Variants in AACS observed in about 807,000 individuals in gnomAD.
AACS encodes acetoacetyl-CoA synthetase.
AACS carries 69 observed loss-of-function variants against 83.1 expected under a neutral mutation model. The observed-to-expected ratio is 0.83, with a 90% confidence interval of 0.68 to 1.01. The LOEUF (loss-of-function observed/expected upper bound fraction) is 1.01. Ranked by LOEUF, AACS falls within the 50% of genes least tolerant of loss-of-function variation. The pLI is 0.00. For missense variants in AACS, 866 were observed against 882.2 expected, an observed-to-expected ratio of 0.98 and a Z score of 0.23; for synonymous variants, 333 against 343.4, an observed-to-expected ratio of 0.97 and a Z score of 0.33.
intron 8 of AACS, among the ~76,000 whole-genome samples, 160 bp downstream of exon 8, chr12:125,107,428 C>T (rs939810134): frequency 6.6e-5 from 10 of 152,214 alleles, no homozygotes; most frequent in African/African-American, 9.6e-5. Context: ...CACGGAGATC[C>T]GGCACTGGGC....
intron 14 of AACS, among the ~76,000 whole-genome samples, chr12:125,132,952 G>A (rs890922058): frequency 6.6e-6 from 1 of 152,226 alleles, no homozygotes; most frequent in Non-Finnish European, 1.5e-5. Context: ...ATTTGGGAGG[G>A]AGGAGATGCC....
rs1957305332 is a variant in AACS, at chr12:125,129,911, T to A, written c.1549+451T>A. 6.6e-6 allele frequency among the ~76,000 whole-genome samples: 1 copy of A among 151,830 alleles called. No individual in the cohort carries two copies. On this transcript the variant is annotated intron_variant, in intron 14 of 17. Transcript: ENST00000316519. This position sits in a 1 kb window ranked among gnomAD's most constrained non-coding sequence, Gnocchi z 4.3. ...ATGGAGATGCTGGAGGAAGAGCGCTTTTGCGGTGGAAGCATTTACAACCCG... is the reference window on the plus strand; with the variant it reads ...ATGGAGATGCTGGAGGAAGAGCGCTATTGCGGTGGAAGCATTTACAACCCG...
intron 8 of AACS, 42 bp from the exon 9 acceptor site, chr12:125,114,435 T>C (rs1361881073): frequency 1.2e-5 from 19 of 1,562,932 alleles, no homozygotes; most frequent in Non-Finnish European, 1.7e-5. Context: ...TGGTACTGTA[T>C]GCCTAACAGA....
At chr12:125,117,362 C>T (rs1233916242) in intron 9 of AACS, among the ~76,000 whole-genome samples, 1 of 151,470 alleles carries the variant, frequency 6.6e-6, no homozygotes, top group Non-Finnish European at 1.5e-5. Context: ...TGCAGTGAGC[C>T]GAGATTGTGC....
intron 9 of AACS, among the ~76,000 whole-genome samples, chr12:125,117,224 C>T (rs911536337): frequency 1.3e-4 from 19 of 152,000 alleles, no homozygotes; most frequent in Non-Finnish European, 2.8e-4. Context: ...CCAGCCTGGC[C>T]AACATGGAAA....
At chr12:125,073,768 T>G in intron 1 of AACS, 108 bp from the exon 2 acceptor site, 1 of 825,264 alleles carries the variant, frequency 1.2e-6, no homozygotes, top group South Asian at 1.7e-5. Flanking sequence ...TCTCCTCAGA[T>G]GAATTTGGCT....
At chr12:125,119,510 C>T (rs766940683) in intron 10 of AACS, among the ~76,000 whole-genome samples, 10 of 152,142 alleles carry the variant, frequency 6.6e-5, no homozygotes, top group Admixed American at 2.6e-4. Context: ...GGAGGCCTCA[C>T]AATCATGATG....
intron 5 of AACS, among the ~76,000 whole-genome samples, chr12:125,098,243 A>G (rs969520313): frequency 6.6e-6 from 1 of 152,064 alleles, no homozygotes; most frequent in Non-Finnish European, 1.5e-5. Flanking sequence ...CAGCCTGGGC[A>G]ACATGGCAAA....
intron 3 of AACS, among the ~76,000 whole-genome samples, chr12:125,077,870 G>A (rs1956067442): frequency 6.6e-6 from 1 of 152,002 alleles, no homozygotes; most frequent in Non-Finnish European, 1.5e-5. Flanking sequence ...CACCATTGCT[G>A]GCTAATTTTT....
chr12:125,104,956 G>A (rs917890617), intron 7 of AACS, among the ~76,000 whole-genome samples: 1 of 151,826 alleles, frequency 6.6e-6, no homozygotes, highest in African/African-American at 2.4e-5. Flanking sequence ...CATGGCGGAA[G>A]GGAAGTGGAG....
In AACS at chr12:125,124,728, C is replaced by A. The variant is rs947140229; in HGVS notation, c.1145C>A (p.Ala382Asp). 1.9e-6 allele frequency: 3 copies of A among 1,614,102 alleles called. No homozygotes were observed. The highest frequency in any genetic ancestry group is 2.5e-6 in the Non-Finnish European group (3 of 1,180,034). The change falls in exon 11 of 18, where the codon GCC (alanine) becomes GAC (aspartate). Residue 382 changes from alanine to aspartate, a missense_variant. Coordinates refer to ENST00000316519, the MANE Select transcript of AACS (RefSeq NM_023928.5). ...AGCATCACTGTCCTGGTAACTGGGG[C>A]CAAGTGGCTGTCAGTGCTGGAAGAG... is the stretch of plus-strand genomic sequence containing the variant. Reference protein sequence around the residue: ...RIGITVLVTGAKWLSVLEEKA... With the variant: ...RIGITVLVTGDKWLSVLEEKA...
intron 17 of AACS, 52 bp downstream of exon 17, chr12:125,136,916 C>T: frequency 6.3e-7 from 1 of 1,583,032 alleles, no homozygotes; most frequent in South Asian, 1.1e-5. Flanking sequence ...CCCACGAGCC[C>T]ACACATTGAG....
chr12:125,107,642 G>A (rs760913292), intron 8 of AACS, among the ~76,000 whole-genome samples: 10 of 152,170 alleles, frequency 6.6e-5, no homozygotes, highest in Non-Finnish European at 1.2e-4. Flanking sequence ...TAAAAAGAAC[G>A]AATCAGAATA....
rs984402598 is a variant in AACS at position 125,078,769 on chromosome 12, C to T, written c.358+2158C>T. Among the ~76,000 whole-genome samples, 13 of 139,664 alleles carry T rather than the reference C, an allele frequency of 9.3e-5. No individual in the cohort carries two copies. The South Asian group carries it at 3.0e-3, about 32-fold the overall frequency. The allele number at this position is 139,664 out of a possible 152,430, so 91.6% of individuals were successfully genotyped here. ...CCGGGAGGTGGAGGTTGCAGTGAGC[C>T]GAGATTATGCCATTGCCCTCCAGCC... On this transcript the variant is annotated intron_variant, in intron 3 of 17. Coordinates refer to ENST00000316519, the MANE Select transcript of AACS (RefSeq NM_023928.5).
intron 3 of AACS, among the ~76,000 whole-genome samples, chr12:125,084,900 G>T (rs748926139): frequency 6.6e-6 from 1 of 152,004 alleles, no homozygotes; most frequent in Non-Finnish European, 1.5e-5. Flanking sequence ...AACATTTTTT[G>T]TAGAGTCTCA....
chr12:125,074,227 TTTTGTTTG>T (rs530132337), intron 2 of AACS, among the ~76,000 whole-genome samples: 6 of 151,998 alleles, frequency 3.9e-5, no homozygotes, highest in East Asian at 1.9e-4. Flanking sequence ...TAAATAGTAG[TTTTGTTTG>T]TTTGTTTGTT....
At chr12:125,101,975 C>CA (rs1956717722) in intron 5 of AACS, 1 of 149,812 alleles carries the variant, frequency 6.7e-6, no homozygotes, top group Non-Finnish European at 1.5e-5. Flanking sequence ...CCATGTTGGT[C>CA]AGGCTGGTCT....
At chr12:125,108,530 T>C (rs1956881872) in intron 8 of AACS, among the ~76,000 whole-genome samples, 1 of 152,206 alleles carries the variant, frequency 6.6e-6, no homozygotes. Context: ...GGGTACACAG[T>C]TCAGCCCATG....
chr12:125,116,232 C>G (rs1297200423), intron 9 of AACS, among the ~76,000 whole-genome samples: 1 of 152,030 alleles, frequency 6.6e-6, no homozygotes, highest in African/African-American at 2.4e-5. Flanking sequence ...GCAGGAAGCT[C>G]CCAGCAGCTA....
Sources: allele counts gnomAD v4.1 joint callset (sites outside exome capture counted in the v4.1 genomes callset), GRCh38; gene constraint gnomAD v4.1.1; non-coding constraint Gnocchi (gnomAD v3.1); transcripts MANE v1.5; gene names NCBI Gene and HGNC (gene_info 2026-07-23, HGNC 2026-07-21).